Variants in SNTG1 observed in about 807,000 individuals in gnomAD.
SNTG1 encodes the protein syntrophin gamma 1, also known as gamma-1-syntrophin.
In SNTG1, 39 loss-of-function variants were observed where a neutral mutation model predicts 74.7. The observed-to-expected ratio is 0.52, with a 90% confidence interval of 0.40 to 0.68. The LOEUF (loss-of-function observed/expected upper bound fraction) is 0.68. Ranked by LOEUF, SNTG1 falls within the 30% of genes least tolerant of loss-of-function variation. The pLI, the probability that SNTG1 is intolerant of heterozygous loss-of-function variation, is 0.00. For missense variants in SNTG1, 685 were observed against 609.5 expected (o/e 1.12, Z -1.30); for synonymous variants, 254 against 217.1 (o/e 1.17, Z -1.49).
intron 10 of SNTG1, among the ~76,000 whole-genome samples, chr8:50,530,686 C>A (rs1041694536): frequency 3.9e-5 from 6 of 152,062 alleles, no homozygotes; most frequent in Admixed American, 1.3e-4. Flanking sequence ...GCAATTACTG[C>A]AAAGTGAGAA....
At chr8:49,964,444 C>T (rs1236848353) in intron 1 of SNTG1, among the ~76,000 whole-genome samples, 4 of 152,232 alleles carry the variant, frequency 2.6e-5, no homozygotes, top group Non-Finnish European at 5.9e-5. Context: ...TTCTCTCTCT[C>T]TCTACATAGA....
chr8:50,629,728 A>G (rs978684555), intron 13 of SNTG1, among the ~76,000 whole-genome samples: 3 of 152,106 alleles, frequency 2.0e-5, no homozygotes, highest in African/African-American at 7.2e-5. Context: ...TATAGCATTT[A>G]TTTTAGTGAC....
intron 1 of SNTG1, among the ~76,000 whole-genome samples, chr8:50,028,640 A>G (rs1332220897): frequency 2.6e-5 from 4 of 151,916 alleles, no homozygotes; most frequent in African/African-American, 9.7e-5. Flanking sequence ...ACCTAATGCT[A>G]GATGACGAGT....
At chr8:50,307,451 T>A (rs2089947292) in intron 2 of SNTG1, among the ~76,000 whole-genome samples, 1 of 152,098 alleles carries the variant, frequency 6.6e-6, no homozygotes, top group South Asian at 2.1e-4. Context: ...CATTTATTTT[T>A]TATTTCAAAA....
At chr8:50,507,558 C>T (rs977472971) in intron 9 of SNTG1, among the ~76,000 whole-genome samples, 1 of 151,982 alleles carries the variant, frequency 6.6e-6, no homozygotes, top group Non-Finnish European at 1.5e-5. Flanking sequence ...GTTGGTATGT[C>T]ACATATTTCT....
chr8:50,572,705 A>T (rs1341750308), intron 12 of SNTG1, among the ~76,000 whole-genome samples: 2 of 152,172 alleles, frequency 1.3e-5, no homozygotes, highest in Non-Finnish European at 2.9e-5. Flanking sequence ...TCATGGTAAA[A>T]GTAGAGTTTT....
At chr8:50,785,117 T>A (rs2095670986) in intron 18 of SNTG1, among the ~76,000 whole-genome samples, 1 of 151,874 alleles carries the variant, frequency 6.6e-6, no homozygotes, top group Non-Finnish European at 1.5e-5. Context: ...AAATACCTAA[T>A]CTTTCTCAAT....
At chr8:50,422,843 C>A (rs967280768) in intron 4 of SNTG1, among the ~76,000 whole-genome samples, 3 of 152,198 alleles carry the variant, frequency 2.0e-5, no homozygotes, top group Admixed American at 2.0e-4. Flanking sequence ...CTCCTCTACT[C>A]TTCCCTAGTC....
intron 17 of SNTG1, among the ~76,000 whole-genome samples, chr8:50,711,738 G>C (rs1049555275): frequency 1.3e-5 from 2 of 152,102 alleles, no homozygotes; most frequent in African/African-American, 4.8e-5. Flanking sequence ...ATAGCATTCT[G>C]TTCCCTATAC....
At chr8:50,647,984 G>A (rs887365102) in intron 13 of SNTG1, among the ~76,000 whole-genome samples, 11 of 151,816 alleles carry the variant, frequency 7.2e-5, no homozygotes, top group Admixed American at 6.6e-5. Flanking sequence ...ACTGCTTTAT[G>A]TCTCTTCAAC....
intron 2 of SNTG1, among the ~76,000 whole-genome samples, chr8:50,376,750 T>TAGAGAGAG (rs1347321799): frequency 2.9e-5 from 3 of 102,780 alleles, no homozygotes; most frequent in South Asian, 3.2e-4. Flanking sequence ...TATATATATA[T>TAGAGAGAG]ATATATAGAG....
intron 5 of SNTG1, among the ~76,000 whole-genome samples, chr8:50,448,758 G>T (rs1454887629): frequency 6.6e-6 from 1 of 151,998 alleles, no homozygotes; most frequent in Non-Finnish European, 1.5e-5. Flanking sequence ...CTGCAGGCCG[G>T]GTGCGGTGAC....
chr8:49,939,445 A>G (rs1372350689), intron 1 of SNTG1, among the ~76,000 whole-genome samples: 1 of 152,172 alleles, frequency 6.6e-6, no homozygotes, highest in Non-Finnish European at 1.5e-5. Flanking sequence ...ATAAAAAGCA[A>G]TGTACTACAC....
intron 9 of SNTG1, among the ~76,000 whole-genome samples, chr8:50,527,921 T>A (rs1309523846): frequency 7.9e-5 from 12 of 151,998 alleles, no homozygotes; most frequent in Admixed American, 7.9e-4. Context: ...TATGTTTTAA[T>A]TTTATTGTAA....
intron 5 of SNTG1, among the ~76,000 whole-genome samples, chr8:50,440,056 T>G (rs980138754): frequency 6.6e-6 from 1 of 151,650 alleles, no homozygotes; most frequent in African/African-American, 2.4e-5. Flanking sequence ...CTTTTCATTT[T>G]AATATTTTCA....
intron 13 of SNTG1, among the ~76,000 whole-genome samples, chr8:50,621,093 A>C (rs1278881044): frequency 6.7e-6 from 1 of 149,532 alleles, no homozygotes; most frequent in Non-Finnish European, 1.5e-5. Flanking sequence ...ATGTGGTTAG[A>C]GTTTTACATT....
At position 50,341,341 on chromosome 8, in the gene SNTG1, T is replaced by C. The variant is rs551625962; in HGVS notation, c.-27-52871T>C. Among the ~76,000 whole-genome samples, 4 of 152,110 alleles carry C rather than the reference T, an allele frequency of 2.6e-5. No homozygotes were observed. In the South Asian group the frequency reaches 8.3e-4, roughly 31 times the overall value. On this transcript the variant is annotated intron_variant, in intron 2 of 18. Coordinates refer to ENST00000642720, the MANE Select transcript of SNTG1 (RefSeq NM_018967.5). The stretch of plus-strand genomic sequence containing the variant: ...AATGGTGACTAACATATTTTTTCTC[T>C]GCTTGTTCCACAAATGGTACTTTTT...
intron 13 of SNTG1, among the ~76,000 whole-genome samples, chr8:50,621,987 G>C (rs1378378959): frequency 6.6e-6 from 1 of 152,114 alleles, no homozygotes; most frequent in Non-Finnish European, 1.5e-5. Flanking sequence ...CAAATGCACT[G>C]AGGGTTCTCA....
intron 1 of SNTG1, among the ~76,000 whole-genome samples, chr8:49,934,309 A>G (rs999237489): frequency 4.0e-5 from 6 of 151,642 alleles, no homozygotes; most frequent in Non-Finnish European, 7.4e-5. Flanking sequence ...CTATCTATCT[A>G]TCTATCTATC....
Sources: gnomAD v4.1 joint callset for allele counts (sites outside exome capture counted in the v4.1 genomes callset) on GRCh38, gnomAD v4.1.1 for gene constraint, MANE v1.5 for transcripts, NCBI Gene and HGNC (gene_info 2026-07-23, HGNC 2026-07-21) for gene names.